TEX14: variants seen among roughly 807,000 people sequenced by gnomAD.
TEX14 encodes testis expressed 14, intercellular bridge forming factor, also known as inactive serine/threonine-protein kinase TEX14.
Under a neutral mutation model 178.6 loss-of-function variants are expected in TEX14, and 168 were observed. That is an observed-to-expected ratio of 0.94 (90% CI 0.83 to 1.07). The LOEUF (loss-of-function observed/expected upper bound fraction) is 1.07, where lower values mean the gene tolerates loss of function less well. TEX14 is among the 50% of genes least tolerant of loss of function. The probability of loss-of-function intolerance (pLI) is 0.00; values close to 1 mark genes in which losing one functional copy is unlikely to be tolerated. For missense variants in TEX14, 1,730 were observed against 1,753.6 expected (o/e 0.99, Z 0.24); for synonymous variants, 626 against 634.1 (o/e 0.99, Z 0.19).
rs377292130 is a variant in TEX14, at chr17:58,570,377, C to T, written c.3817+8G>A. On this transcript the variant is annotated splice_region_variant and intron_variant, in intron 25 of 31. Transcript: ENST00000349033. The stretch of plus-strand genomic sequence containing the variant: ...TAAACTTCTATTTTGATATTAAACA[C>T]AGGGTACCTTTAGGCAGGCTCCTTC... 16 of 1,494,466 alleles carry T rather than the reference C, an allele frequency of 1.1e-5. No homozygotes were observed. Among genetic ancestry groups the T allele is most frequent in the African/African-American group, 1.5e-5 (1 of 67,734 alleles). The allele number at this position is 1,494,466 out of a possible 1,614,324, so 92.6% of individuals were successfully genotyped here. A position where few individuals can be genotyped will look rare whatever the true frequency, so the allele number is the denominator to read the frequency against.
intron 3 of TEX14, among the ~76,000 whole-genome samples, chr17:58,624,793 G>A (rs1401550857): frequency 6.6e-6 from 1 of 152,180 alleles, no homozygotes; most frequent in Non-Finnish European, 1.5e-5. Flanking sequence ...ATGAATGGGT[G>A]TATCATAATT....
rs530152581 is a variant in TEX14 at position 58,691,743 on chromosome 17, A to C, written c.-2+196T>G. On this transcript the variant is annotated intron_variant, in intron 1 of 31. Coordinates refer to ENST00000349033, the MANE Select transcript of TEX14 (RefSeq NM_031272.5). ...CTAAATAAGTTACACTCACCTAGGCAAGGAAGGAACTCATAAACCACCTTC... is the reference window on the plus strand; with the variant it reads ...CTAAATAAGTTACACTCACCTAGGCCAGGAAGGAACTCATAAACCACCTTC... Among the ~76,000 whole-genome samples the C allele has an allele frequency of 6.9e-4, 104 of 151,468 alleles. 2 individuals carry two copies. In the South Asian group the frequency reaches 0.015, roughly 22 times the overall value.
At chr17:58,647,975 C>A (rs566613863) in intron 2 of TEX14, 2 of 152,364 alleles carry the variant, frequency 1.3e-5, no homozygotes, top group East Asian at 1.9e-4. Flanking sequence ...TGGGATTACA[C>A]GCGTGAGCCA....
intron 1 of TEX14, chr17:58,679,529 G>C (rs542391864): frequency 6.6e-6 from 1 of 152,172 alleles, no homozygotes; most frequent in Non-Finnish European, 1.5e-5. Flanking sequence ...GCCAGATCAG[G>C]GGAGAGAACC....
Position 58,580,929 on chromosome 17 carries a change from C to T in TEX14, c.3172-1198G>A, listed in dbSNP as rs1202121206. On this transcript the variant is annotated intron_variant, in intron 19 of 31. Transcript: ENST00000349033. Reference sequence around the variant, plus strand: ...TTGGCAGGCTGGAGTTAATTAATTCCGTATATCTGCAGAACACCAGTCTTC... The same window carrying T: ...TTGGCAGGCTGGAGTTAATTAATTCTGTATATCTGCAGAACACCAGTCTTC... 2.6e-5 allele frequency among the ~76,000 whole-genome samples: 4 copies of T among 152,118 alleles called. No homozygotes were observed. The South Asian group carries it at 6.2e-4, about 24-fold the overall frequency.
intron 11 of TEX14, among the ~76,000 whole-genome samples, chr17:58,603,524 C>A (rs1173221587): frequency 6.9e-6 from 1 of 143,930 alleles, no homozygotes; most frequent in Non-Finnish European, 1.5e-5. Context: ...CACTGCACTC[C>A]AGCCTGGGCA....
At chr17:58,651,108 A>T (rs750443906) in intron 2 of TEX14, among the ~76,000 whole-genome samples, 11 of 152,148 alleles carry the variant, frequency 7.2e-5, no homozygotes, top group Non-Finnish European at 1.3e-4. Flanking sequence ...TCTACAAAAA[A>T]CAAACAAAAA....
intron 29 of TEX14, among the ~76,000 whole-genome samples, chr17:58,561,202 G>A (rs1426945908): frequency 6.6e-6 from 1 of 152,082 alleles, no homozygotes; most frequent in Non-Finnish European, 1.5e-5. Context: ...TCCTAGATTT[G>A]TGTTATCTAA....
intron 2 of TEX14, among the ~76,000 whole-genome samples, chr17:58,633,009 C>A (rs935514005): frequency 6.6e-6 from 1 of 152,186 alleles, no homozygotes; most frequent in African/African-American, 2.4e-5. Flanking sequence ...GTATTTCTCG[C>A]ACTTAAAAGG....
intron 1 of TEX14, 118 bp from the exon 2 acceptor site, chr17:58,652,120 G>T: frequency 1.4e-6 from 1 of 726,506 alleles, no homozygotes; most frequent in South Asian, 3.4e-5. Flanking sequence ...GAAGATTAGG[G>T]GAATAATTAT....
chr17:58,655,334 C>T (rs2046932132), intron 1 of TEX14, among the ~76,000 whole-genome samples: 2 of 152,058 alleles, frequency 1.3e-5, no homozygotes, highest in South Asian at 2.1e-4. Flanking sequence ...CAGGCACGCA[C>T]CACAATGCCC....
chr17:58,685,925 G>A (rs1226178009), intron 1 of TEX14, among the ~76,000 whole-genome samples: 1 of 148,348 alleles, frequency 6.7e-6, no homozygotes, highest in African/African-American at 2.5e-5. Context: ...AACATGGGAG[G>A]TGGAGGTTGC....
At chr17:58,631,386 G>C (rs1341182909) in intron 2 of TEX14, among the ~76,000 whole-genome samples, 3 of 152,148 alleles carry the variant, frequency 2.0e-5, no homozygotes, top group Non-Finnish European at 2.9e-5. Flanking sequence ...TTAAGTGGCA[G>C]AGGCTGCAAT....
chr17:58,631,929 T>C (rs1365424459), intron 2 of TEX14: 2 of 152,230 alleles, frequency 1.3e-5, no homozygotes, highest in African/African-American at 4.8e-5. Flanking sequence ...CTCTCGAAAA[T>C]ATTACTATGT....
At chr17:58,609,337 C>T (rs899397129) in intron 10 of TEX14, among the ~76,000 whole-genome samples, 1 of 152,160 alleles carries the variant, frequency 6.6e-6, no homozygotes, top group Non-Finnish European at 1.5e-5. Context: ...TCTCGATTTC[C>T]TGACCTCATG....
chr17:58,595,916 C>T (rs538430041), intron 14 of TEX14, among the ~76,000 whole-genome samples: 26 of 152,316 alleles, frequency 1.7e-4, no homozygotes, highest in African/African-American at 6.0e-4. Flanking sequence ...CGGGCGCGGT[C>T]GCTCACACCT....
Position 58,615,259 on chromosome 17 carries a change from A to G in TEX14, c.854T>C (p.Leu285Ser), listed in dbSNP as rs754548630. ...GCTGTGTTCCTGCTCGGCAATTAACAAGTCGGCCAGCCGCAGCCTGCTGCA... is the reference window on the plus strand; with the variant it reads ...GCTGTGTTCCTGCTCGGCAATTAACGAGTCGGCCAGCCGCAGCCTGCTGCA... ...PHCSRLRLADLLIAEQEHSSK... is the reference protein window; with the variant it reads ...PHCSRLRLADSLIAEQEHSSK... Residue 285 changes from leucine (L) to serine (S), a missense_variant, in exon 8 of 32, where the codon TTG becomes TCG. Physicochemically the swap from Leu to Ser is moderately radical, Grantham distance 145. Around this residue, in one of 2 missense-constraint regions of TEX14, gnomAD observed 789 missense variants for 681.2 expected, o/e 1.16. Transcript: ENST00000349033. 3.7e-6 allele frequency: 6 copies of G among 1,613,346 alleles called. No individual in the cohort carries two copies. The highest frequency in any genetic ancestry group is 5.1e-6 in the Non-Finnish European group (6 of 1,179,416).
intron 7 of TEX14, 59 bp from the exon 8 acceptor site, chr17:58,615,404 T>C (rs1567737011): frequency 9.8e-7 from 1 of 1,020,310 alleles, no homozygotes; most frequent in Admixed American, 1.7e-5. Context: ...ACTCCTTCAA[T>C]GAATAAGCTT....
At chr17:58,566,273 G>GTTA (rs1257043781) in intron 26 of TEX14, among the ~76,000 whole-genome samples, 1 of 152,174 alleles carries the variant, frequency 6.6e-6, no homozygotes, top group Admixed American at 6.5e-5. Context: ...AATAGACTGT[G>GTTA]TTATTGTTAC....
Sources: allele counts gnomAD v4.1 joint callset (sites outside exome capture counted in the v4.1 genomes callset), GRCh38; gene constraint gnomAD v4.1.1; regional missense constraint gnomAD v4.1.1; transcripts MANE v1.5; gene names NCBI Gene and HGNC (gene_info 2026-07-23, HGNC 2026-07-21).